The following AASDH variants were observed in gnomAD, a reference collection of about 807,000 sequenced individuals.
AASDH encodes beta-alanine-activating enzyme.
In AASDH, 81 loss-of-function variants were observed where a neutral mutation model predicts 102.3. That is an observed-to-expected ratio of 0.79 (90% CI 0.66 to 0.95). The LOEUF is 0.95. Among genes scored for constraint, AASDH ranks in the 40% least tolerant of loss-of-function variants. AASDH has a pLI of 0.00. For missense variants in AASDH, 1,203 were observed against 1,266.2 expected, an observed-to-expected ratio of 0.95 and a Z score of 0.76; for synonymous variants, 398 against 454.0, an observed-to-expected ratio of 0.88 and a Z score of 1.57.
At chr4:56,359,808 C>T (rs1370037221) in intron 5 of AASDH, among the ~76,000 whole-genome samples, 2 of 152,032 alleles carry the variant, frequency 1.3e-5, no homozygotes, top group African/African-American at 4.8e-5. Flanking sequence ...CCACCCGCCT[C>T]GGCCTCCCAA....
In AASDH at chr4:56,351,358, A is replaced by C; in HGVS notation, c.1676T>G (p.Leu559Ter). The change falls in exon 10 of 15, where the codon TTA (leucine) becomes TGA (stop). Residue 559 changes from leucine (L) to a stop codon, truncating the protein, a stop_gained. Coordinates refer to ENST00000205214, the MANE Select transcript of AASDH (RefSeq NM_181806.4). LOFTEE classifies it high-confidence loss of function. ...AAATTGTACCTTCCACAAATACTGTAATTTTTCCCAAAGGTCCTCTTTCCC... is the reference window on the plus strand; with the variant it reads ...AAATTGTACCTTCCACAAATACTGTCATTTTTCCCAAAGGTCCTCTTTCCC... ...LSGKEDLWEKLQYLWKSTLNL... is the reference protein window; with the variant it reads ...LSGKEDLWEK 1 of 1,580,722 alleles carries C rather than the reference A, an allele frequency of 6.3e-7. No homozygotes were observed. Among genetic ancestry groups the C allele is most frequent in the South Asian group, 1.1e-5 (1 of 88,048 alleles).
At chr4:56,350,398 G>A (rs1302800759) in intron 10 of AASDH, among the ~76,000 whole-genome samples, 1 of 152,058 alleles carries the variant, frequency 6.6e-6, no homozygotes, top group South Asian at 2.1e-4. Flanking sequence ...AGGTTGCAGT[G>A]AGCCAAGATT....
Position 56,346,002 on chromosome 4 carries a change from T to C in AASDH, c.2489-712A>G, listed in dbSNP as rs552312986. Among the ~76,000 whole-genome samples, 24 of 152,362 alleles carry C rather than the reference T, an allele frequency of 1.6e-4. 1 individual carries two copies. In the South Asian group the frequency reaches 4.8e-3, roughly 30 times the overall value. On this transcript the variant is annotated intron_variant, in intron 11 of 14. Transcript: ENST00000205214. Reference sequence around the variant, plus strand: ...CTAAGAAGTCAATCTCCAGAGCCTATGCTCTTAACAACTAAACTGCTTTTC... The same window carrying C: ...CTAAGAAGTCAATCTCCAGAGCCTACGCTCTTAACAACTAAACTGCTTTTC...
intron 13 of AASDH, among the ~76,000 whole-genome samples, chr4:56,343,245 ATT>A (rs1747909930): frequency 6.6e-6 from 1 of 152,136 alleles, no homozygotes; most frequent in African/African-American, 2.4e-5. Context: ...GATGAAAAAA[ATT>A]TTGTCAATTT....
intron 4 of AASDH, among the ~76,000 whole-genome samples, chr4:56,373,226 GCCT>G (rs1751952353): frequency 6.6e-6 from 1 of 152,064 alleles, no homozygotes; most frequent in African/African-American, 2.4e-5. Flanking sequence ...TGCAACCTCT[GCCT>G]CCCAAGTTCG....
Position 56,355,165 on chromosome 4 carries a change from A to G in AASDH, c.1103+17T>C. On this transcript the variant is annotated intron_variant, in intron 6 of 14. Coordinates refer to ENST00000205214, the MANE Select transcript of AASDH (RefSeq NM_181806.4). The stretch of plus-strand genomic sequence containing the variant: ...ATACAGTCTCTCTTCTCTATATAGT[A>G]CAATGAAAACCCTTACTTGAGAGTA... The G allele has an allele frequency of 1.2e-6, 2 of 1,611,666 alleles. No homozygotes were observed. Among genetic ancestry groups the G allele is most frequent in the Non-Finnish European group, 1.7e-6 (2 of 1,179,232 alleles).
intron 3 of AASDH, among the ~76,000 whole-genome samples, chr4:56,381,330 G>A (rs1178859854): frequency 6.6e-6 from 1 of 152,098 alleles, no homozygotes; most frequent in Admixed American, 6.6e-5. Context: ...CAGCACTTTG[G>A]GAGGTCGGGG....
At chr4:56,384,460 T>C (rs1189997227) in intron 1 of AASDH, 119 bp from the exon 2 acceptor site, 3 of 592,500 alleles carry the variant, frequency 5.1e-6, no homozygotes, top group Admixed American at 3.0e-5. Flanking sequence ...GATATATAAA[T>C]GAAGAATCTC....
At chr4:56,347,236 C>T (rs553399587) in intron 11 of AASDH, among the ~76,000 whole-genome samples, 4 of 152,262 alleles carry the variant, frequency 2.6e-5, no homozygotes, top group African/African-American at 9.6e-5. Flanking sequence ...AACACTTTAT[C>T]ACTTTGGGAA....
chr4:56,368,547 T>G (rs1032692347), intron 5 of AASDH, among the ~76,000 whole-genome samples: 1 of 151,538 alleles, frequency 6.6e-6, no homozygotes, highest in Middle Eastern at 3.2e-3. Context: ...CCATAAAAAA[T>G]GATGAGTTCA....
At chr4:56,356,124 C>A in intron 5 of AASDH, 1 of 633,606 alleles carries the variant, frequency 1.6e-6, no homozygotes, top group Middle Eastern at 4.1e-4. Context: ...TCTCTCCTCC[C>A]GCCGTCCAAG....
At position 56,358,035 on chromosome 4, in the gene AASDH, T is replaced by G. The variant is rs989171751; in HGVS notation, c.862-2612A>C. 3.3e-5 allele frequency among the ~76,000 whole-genome samples: 5 copies of G among 152,188 alleles called. No individual in the cohort carries two copies. In the East Asian group the frequency reaches 7.7e-4, roughly 23 times the overall value. ...ATCAACAATGCTTTATAGTTTTCAG[T>G]GTACAAATCTTGCTCTTTAGCTTTA... On this transcript the variant is annotated intron_variant, in intron 5 of 14. Coordinates refer to ENST00000205214, the MANE Select transcript of AASDH (RefSeq NM_181806.4).
intron 5 of AASDH, among the ~76,000 whole-genome samples, chr4:56,364,746 ACCAG>A (rs1750773566): frequency 6.6e-6 from 1 of 152,226 alleles, no homozygotes; most frequent in African/African-American, 2.4e-5. Context: ...AACAACCAGT[ACCAG>A]CCACTGCAAA....
At chr4:56,380,416 A>G (rs1426275638) in intron 3 of AASDH, among the ~76,000 whole-genome samples, 1 of 152,238 alleles carries the variant, frequency 6.6e-6, no homozygotes, top group Non-Finnish European at 1.5e-5. Context: ...AAAAGGTCAC[A>G]ACCCAGAAGC....
Position 56,354,196 on chromosome 4 carries a change from ACT to A in AASDH, c.1224_1225del (p.Arg408SerfsTer5), listed in dbSNP as rs767134443. 3.2e-5 allele frequency: 50 copies of A among 1,574,800 alleles called. No individual in the cohort carries two copies. The highest frequency in any genetic ancestry group is 4.1e-5 in the Non-Finnish European group (47 of 1,159,306). ...TGTCACTTCATCATCAAGAAAACAC[ACT>A]CTGTTTCTGCCACCTTCCCAAGATA... On this transcript the variant is annotated frameshift_variant, in exon 8 of 15. Transcript: ENST00000205214. LOFTEE classifies it high-confidence loss of function.
chr4:56,382,302 T>C (rs1753061678), intron 3 of AASDH, 175 bp downstream of exon 3: 2 of 591,172 alleles, frequency 3.4e-6, no homozygotes, highest in Admixed American at 3.7e-5. Context: ...AAATATCCTA[T>C]AATATACGGA....
At chr4:56,352,000 A>G (rs2109884309) in intron 9 of AASDH, among the ~76,000 whole-genome samples, 1 of 152,196 alleles carries the variant, frequency 6.6e-6, no homozygotes, top group East Asian at 1.9e-4. Flanking sequence ...TTAAGGAAAT[A>G]GTTCCATTAC....
At chr4:56,383,312 C>T (rs1041271629) in intron 2 of AASDH, among the ~76,000 whole-genome samples, 4 of 151,982 alleles carry the variant, frequency 2.6e-5, no homozygotes, top group African/African-American at 9.7e-5. Context: ...GAGATGGGGT[C>T]TTGTGAAGTC....
In AASDH at chr4:56,382,550, G is replaced by C. The variant is rs34228795; in HGVS notation, c.278C>G (p.Pro93Arg). Residue 93 changes from proline (P) to arginine (R), a missense_variant, in exon 3 of 15, where the codon CCA (proline) becomes CGA (arginine). Physicochemically the swap from Pro to Arg is moderately radical, Grantham distance 103 (BLOSUM62 -2). Transcript: ENST00000205214. The part of the protein sequence containing the change: ...AAYVPIEPDS[P>R]PSLSTHFMKK... ...CATAAAATGAGTTGATAATGACGGT[G>C]GTGAATCTGGCTCGATAGGTACATA... 47,613 of 1,610,046 alleles carry C rather than the reference G, an allele frequency of 0.03. 1,699 individuals carry two copies. Among genetic ancestry groups the C allele is most frequent in the East Asian group, 0.21 (9,581 of 44,694 alleles).
Sources: gnomAD v4.1 joint callset for allele counts (sites outside exome capture counted in the v4.1 genomes callset) on GRCh38, gnomAD v4.1.1 for gene constraint, MANE v1.5 for transcripts, NCBI Gene and HGNC (gene_info 2026-07-23, HGNC 2026-07-21) for gene names.